LEO1: variants seen among roughly 807,000 people sequenced by gnomAD.
LEO1 encodes RNA polymerase-associated protein LEO1.
Under a neutral mutation model 80.4 loss-of-function variants are expected in LEO1, and 34 were observed. The observed-to-expected ratio is 0.42, with a 90% confidence interval of 0.32 to 0.56. LEO1 has a LOEUF of 0.56. Among genes scored for constraint, LEO1 ranks in the 20% least tolerant of loss-of-function variants. The probability of loss-of-function intolerance (pLI) is 0.10; values close to 1 mark genes in which losing one functional copy is unlikely to be tolerated. For missense variants in LEO1, 631 were observed against 814.2 expected, an observed-to-expected ratio of 0.77 and a Z score of 2.74; for synonymous variants, 262 against 274.9, an observed-to-expected ratio of 0.95 and a Z score of 0.46.
rs1186988633 is a variant in LEO1 at position 51,953,305 on chromosome 15, T to C, written c.1341-42A>G. 3 of 1,604,020 alleles carry C rather than the reference T, an allele frequency of 1.9e-6. No individual in the cohort carries two copies. The Admixed American group carries it at 5.1e-5, about 27-fold the overall frequency. ...TTCATCTATTAAAGTCATAAAGCTT[T>C]CACTCTACCATCTTACTTCACTTAA... is the stretch of plus-strand genomic sequence containing the variant. On this transcript the variant is annotated intron_variant, in intron 7 of 11. Coordinates refer to ENST00000299601, the MANE Select transcript of LEO1 (RefSeq NM_138792.4).
intron 11 of LEO1, among the ~76,000 whole-genome samples, chr15:51,941,675 A>G (rs2056853841): frequency 6.6e-6 from 1 of 152,182 alleles, no homozygotes; most frequent in Non-Finnish European, 1.5e-5. Context: ...TAGATTTTGT[A>G]AAGTTTTAAC....
chr15:51,954,647 G>A (rs1431958625), intron 6 of LEO1, 72 bp from the exon 7 acceptor site: 2 of 976,966 alleles, frequency 2.0e-6, no homozygotes, highest in East Asian at 4.8e-5. Context: ...TTCCTCAAGA[G>A]GCACATAATC....
intron 11 of LEO1, among the ~76,000 whole-genome samples, chr15:51,940,560 CAA>C (rs879264590): frequency 7.5e-5 from 9 of 119,424 alleles, no homozygotes; most frequent in African/African-American, 9.4e-5. Flanking sequence ...GACTCCGTCT[CAA>C]AAAAAAAAAA....
At chr15:51,969,708 G>A (rs2057107307) in intron 1 of LEO1, among the ~76,000 whole-genome samples, 1 of 151,982 alleles carries the variant, frequency 6.6e-6, no homozygotes, top group South Asian at 2.1e-4. Flanking sequence ...AGGGTATGGT[G>A]GCAGGTGCCT....
intron 11 of LEO1, 53 bp from the exon 12 acceptor site, chr15:51,938,313 G>C: frequency 9.2e-7 from 1 of 1,084,734 alleles, no homozygotes; most frequent in Non-Finnish European, 1.4e-6. Context: ...ACATTTTTAG[G>C]ATGGTTTATG....
chr15:51,950,827 C>G (rs1185151554), intron 9 of LEO1, among the ~76,000 whole-genome samples: 1 of 152,106 alleles, frequency 6.6e-6, no homozygotes, highest in Non-Finnish European at 1.5e-5. Context: ...GAGCTGGGGA[C>G]ATGGAGGAGG....
chr15:51,969,690 A>C (rs1218914377), intron 1 of LEO1, among the ~76,000 whole-genome samples: 1 of 151,938 alleles, frequency 6.6e-6, no homozygotes, highest in African/African-American at 2.4e-5. Flanking sequence ...TAAAATACAA[A>C]AATTAGTAGG....
chr15:51,964,200 C>T (rs1457590903), intron 2 of LEO1, among the ~76,000 whole-genome samples: 2 of 150,240 alleles, frequency 1.3e-5, no homozygotes, highest in Admixed American at 6.6e-5. Flanking sequence ...AGCGAGACTC[C>T]GTCTCAAAAA....
At chr15:51,940,820 G>A (rs999994687) in intron 11 of LEO1, among the ~76,000 whole-genome samples, 10 of 151,858 alleles carry the variant, frequency 6.6e-5, no homozygotes, top group South Asian at 2.1e-4. Flanking sequence ...TAATAAGGCC[G>A]TATGTGGTGG....
At chr15:51,970,101 C>G (rs1349378126) in intron 1 of LEO1, among the ~76,000 whole-genome samples, 1 of 152,132 alleles carries the variant, frequency 6.6e-6, no homozygotes. Flanking sequence ...TGACTCTGCA[C>G]TCCTACATAA....
chr15:51,965,730 G>T lies in LEO1; in HGVS notation c.814+19C>A. 1.9e-6 allele frequency: 3 copies of T among 1,583,458 alleles called. No individual in the cohort carries two copies. Among genetic ancestry groups the T allele is most frequent in the Non-Finnish European group, 2.6e-6 (3 of 1,166,572 alleles). On this transcript the variant is annotated intron_variant, in intron 2 of 11. Transcript: ENST00000299601. ...GAATGCTTCTTTCTGAGCCATTCTG[G>T]TTCTCATAAATGTATTACCTGATTT...
At chr15:51,959,463 A>C (rs1383334321) in intron 5 of LEO1, among the ~76,000 whole-genome samples, 1 of 152,200 alleles carries the variant, frequency 6.6e-6, no homozygotes, top group Non-Finnish European at 1.5e-5. Flanking sequence ...CCTGTGGAAA[A>C]AAAATTTTAA....
intron 1 of LEO1, among the ~76,000 whole-genome samples, chr15:51,966,875 C>T (rs940822737): frequency 2.0e-5 from 3 of 151,634 alleles, no homozygotes; most frequent in African/African-American, 7.3e-5. Context: ...CAAGCCACTG[C>T]ACTCCAGCCT....
intron 11 of LEO1, among the ~76,000 whole-genome samples, chr15:51,944,538 A>G (rs889677608): frequency 4.6e-5 from 7 of 152,196 alleles, no homozygotes; most frequent in African/African-American, 1.7e-4. Flanking sequence ...TTAAAAAATT[A>G]TTTATAATTT....
intron 11 of LEO1, among the ~76,000 whole-genome samples, chr15:51,944,053 A>T (rs74643768): frequency 3.9e-4 from 59 of 152,346 alleles, no homozygotes; most frequent in African/African-American, 1.4e-3. Flanking sequence ...TAAATGAAAC[A>T]GTGACTGAAA....
chr15:51,971,611 T>C (rs912067765), intron 1 of LEO1, 77 bp downstream of exon 1: 10 of 1,469,296 alleles, frequency 6.8e-6, no homozygotes, highest in South Asian at 1.1e-5. Context: ...CCCGCGGCGC[T>C]GGAGCCTCCA....
At chr15:51,947,094 C>G (rs2056907870) in intron 11 of LEO1, 198 bp downstream of exon 11, 2 of 561,596 alleles carry the variant, frequency 3.6e-6, no homozygotes, top group East Asian at 3.2e-5. Context: ...CTCCATGCAG[C>G]CTTCTAAGAC....
chr15:51,953,894 C>T (rs889070728), intron 7 of LEO1, among the ~76,000 whole-genome samples: 8 of 150,772 alleles, frequency 5.3e-5, no homozygotes, highest in African/African-American at 7.3e-5. Flanking sequence ...AGTTCAAGAC[C>T]AGCCTAAGCA....
At chr15:51,970,536 T>C (rs958708985) in intron 1 of LEO1, among the ~76,000 whole-genome samples, 9 of 152,196 alleles carry the variant, frequency 5.9e-5, no homozygotes, top group African/African-American at 1.9e-4. Context: ...ATGAATAAAG[T>C]ACTGATATGT....
Sources: gnomAD v4.1 joint callset for allele counts (sites outside exome capture counted in the v4.1 genomes callset) on GRCh38, gnomAD v4.1.1 for gene constraint, MANE v1.5 for transcripts, NCBI Gene and HGNC (gene_info 2026-07-23, HGNC 2026-07-21) for gene names.